The following MED12L variants were observed in gnomAD, a reference collection of about 807,000 sequenced individuals.
MED12L encodes the protein mediator of RNA polymerase II transcription subunit 12-like protein.
A neutral mutation model predicts 281.3 loss-of-function variants in MED12L; 60 were observed. The observed-to-expected ratio is 0.21, with a 90% CI of 0.17 to 0.26. MED12L has a LOEUF of 0.26. Among genes scored for constraint, MED12L ranks in the 10% least tolerant of loss-of-function variants. The probability of loss-of-function intolerance (pLI) is 1.00; values close to 1 mark genes in which losing one functional copy is unlikely to be tolerated. For synonymous variants in MED12L, 974 were observed against 987.2 expected, an observed-to-expected ratio of 0.99 and a Z score of 0.25; for missense variants, 2,146 against 2,680.9, an observed-to-expected ratio of 0.80 and a Z score of 4.41.
chr3:151,138,553 C>A (rs1195028611), intron 5 of MED12L, among the ~76,000 whole-genome samples: 1 of 152,140 alleles, frequency 6.6e-6, no homozygotes, highest in African/African-American at 2.4e-5. Context: ...ACATTTAGTT[C>A]TCATATCTCC....
chr3:151,199,772 TAG>T (rs747560800), intron 16 of MED12L, among the ~76,000 whole-genome samples: 28 of 152,116 alleles, frequency 1.8e-4, no homozygotes, highest in Admixed American at 7.2e-4. Flanking sequence ...TTCTGAGAAG[TAG>T]AGAGAGGAAA....
chr3:151,176,704 T>C (rs1235270684), intron 11 of MED12L, among the ~76,000 whole-genome samples: 2 of 152,214 alleles, frequency 1.3e-5, no homozygotes, highest in Non-Finnish European at 2.9e-5. Context: ...TATTTATTCC[T>C]GTCTCTTCTC....
intron 42 of MED12L, 119 bp from the exon 43 acceptor site, chr3:151,416,193 G>A: frequency 1.3e-6 from 2 of 1,543,554 alleles, no homozygotes; most frequent in Middle Eastern, 4.7e-4. Context: ...GCAGCAGGCA[G>A]GTATATATTG....
intron 16 of MED12L, chr3:151,327,257 G>C (rs1481799874): frequency 1.3e-5 from 2 of 152,168 alleles, no homozygotes; most frequent in Non-Finnish European, 2.9e-5. Flanking sequence ...TTGCTGAGTA[G>C]GTGCCATGTT....
At chr3:151,404,485 C>T (rs1424838950) in intron 39 of MED12L, among the ~76,000 whole-genome samples, 1 of 152,218 alleles carries the variant, frequency 6.6e-6, no homozygotes, top group African/African-American at 2.4e-5. Flanking sequence ...CTGTTGTCTG[C>T]AGTTGAAATA....
intron 19 of MED12L, 107 bp from the exon 20 acceptor site, chr3:151,357,106 T>A (rs964734295): frequency 1.6e-5 from 15 of 917,350 alleles, no homozygotes; most frequent in Non-Finnish European, 2.4e-5. Context: ...ATTTAGGGAA[T>A]GTATTTGTAG....
At chr3:151,188,581 G>A in intron 13 of MED12L, 101 bp downstream of exon 13, 2 of 1,235,188 alleles carry the variant, frequency 1.6e-6, no homozygotes, top group Non-Finnish European at 2.2e-6. Flanking sequence ...AATATTCTTG[G>A]CACTGAATAT....
chr3:151,089,085 T>C (rs1449289330), intron 2 of MED12L, among the ~76,000 whole-genome samples: 1 of 152,212 alleles, frequency 6.6e-6, no homozygotes, highest in African/African-American at 2.4e-5. Flanking sequence ...CTGTACCACC[T>C]GTACTTTTAT....
At chr3:151,355,816 T>C (rs1224465163) in intron 18 of MED12L, 80 bp from the exon 19 acceptor site, 1 of 1,334,726 alleles carries the variant, frequency 7.5e-7, no homozygotes, top group African/African-American at 1.5e-5. Flanking sequence ...TCAACTGTCT[T>C]AAAAAGTAAA....
intron 36 of MED12L, among the ~76,000 whole-genome samples, chr3:151,386,095 G>GA (rs1713299084): frequency 6.6e-6 from 1 of 152,168 alleles, no homozygotes; most frequent in South Asian, 2.1e-4. Context: ...GGGAGGTAGG[G>GA]AAAATTGTGG....
intron 2 of MED12L, among the ~76,000 whole-genome samples, chr3:151,110,407 G>C (rs1052031640): frequency 6.6e-6 from 1 of 152,176 alleles, no homozygotes; most frequent in African/African-American, 2.4e-5. Flanking sequence ...TCCTCTAAAA[G>C]GGGTCTATTG....
intron 38 of MED12L, 141 bp downstream of exon 38, chr3:151,390,276 A>G: frequency 2.5e-6 from 2 of 791,258 alleles, no homozygotes; most frequent in Admixed American, 2.6e-5. Context: ...CCCTTCACAC[A>G]GAAATGTTTT....
At chr3:151,213,603 G>T in intron 16 of MED12L, 1 of 1,614,138 alleles carries the variant, frequency 6.2e-7, no homozygotes, top group South Asian at 1.1e-5. Flanking sequence ...ACACAAACAC[G>T]ATGCTGAATA....
chr3:151,156,503 G>A (rs1453565858), intron 6 of MED12L, among the ~76,000 whole-genome samples, 173 bp downstream of exon 6: 1 of 152,130 alleles, frequency 6.6e-6, no homozygotes, highest in African/African-American at 2.4e-5. Context: ...ATCTGCCCTG[G>A]GATGACAGCT....
chr3:151,392,838 G>A (rs1290866645), intron 38 of MED12L, among the ~76,000 whole-genome samples: 2 of 152,152 alleles, frequency 1.3e-5, no homozygotes, highest in South Asian at 2.1e-4. Flanking sequence ...TTTTATTCCA[G>A]TAGTTTCTCA....
intron 2 of MED12L, among the ~76,000 whole-genome samples, chr3:151,087,270 C>G (rs1046042138): frequency 2.0e-5 from 3 of 152,206 alleles, no homozygotes; most frequent in Admixed American, 6.5e-5. Flanking sequence ...GTTGCCGGGC[C>G]TTGCACGGCG....
intron 16 of MED12L, among the ~76,000 whole-genome samples, chr3:151,331,953 G>A (rs952783288): frequency 1.3e-5 from 2 of 152,270 alleles, no homozygotes; most frequent in Middle Eastern, 3.4e-3. Flanking sequence ...TCTTGCCTCC[G>A]ATTAAGCCAT....
Position 151,389,924 on chromosome 3 carries a change from A to C in MED12L, c.5452-55A>C, listed in dbSNP as rs1330447813. On this transcript the variant is annotated intron_variant, in intron 37 of 44. Transcript: ENST00000687756. ...TAGCTTACTGAAGTTATTTGCATTAATTAGCTGTGTGATATGTGGAGTTAC... is the reference window on the plus strand; with the variant it reads ...TAGCTTACTGAAGTTATTTGCATTACTTAGCTGTGTGATATGTGGAGTTAC... 2.4e-5 allele frequency: 37 copies of C among 1,573,154 alleles called. No individual in the cohort carries two copies. The East Asian group carries it at 5.8e-4, about 25-fold the overall frequency.
At chr3:151,199,063 G>C in intron 16 of MED12L, 1 of 1,614,054 alleles carries the variant, frequency 6.2e-7, no homozygotes, top group Non-Finnish European at 8.5e-7. Flanking sequence ...GGTCAATGCT[G>C]ACAAATGCTA....
Sources: gnomAD v4.1 joint callset for allele counts (sites outside exome capture counted in the v4.1 genomes callset) on GRCh38, gnomAD v4.1.1 for gene constraint, MANE v1.5 for transcripts, NCBI Gene and HGNC (gene_info 2026-07-23, HGNC 2026-07-21) for gene names.